Variants in WWOX observed in about 807,000 individuals in gnomAD.
WWOX encodes WW domain-containing oxidoreductase.
A neutral mutation model predicts 46.2 loss-of-function variants in WWOX; 69 were observed. The ratio of observed to expected loss-of-function variants is 1.49; its 90% confidence interval spans 1.23 to 1.82. The LOEUF is 1.82. Among genes scored for constraint, WWOX ranks in the 40% most tolerant of loss-of-function variants. The pLI is 0.00. For missense variants in WWOX, 919 were observed against 542.6 expected, an observed-to-expected ratio of 1.69 and a Z score of -6.89; for synonymous variants, 359 against 202.6, an observed-to-expected ratio of 1.77 and a Z score of -6.56.
chr16:78,669,792 A>T (rs560689889), intron 8 of WWOX, among the ~76,000 whole-genome samples: 1 of 152,278 alleles, frequency 6.6e-6, no homozygotes, highest in East Asian at 1.9e-4. Context: ...ACCCCTATTG[A>T]TTATTTCAGT....
intron 8 of WWOX, among the ~76,000 whole-genome samples, chr16:78,661,680 G>T (rs539531184): frequency 1.3e-5 from 2 of 152,096 alleles, no homozygotes; most frequent in Admixed American, 6.5e-5. Flanking sequence ...GCATGGAATG[G>T]GGGGAAAAGC....
At chr16:78,923,485 C>G (rs150201386) in intron 8 of WWOX, among the ~76,000 whole-genome samples, 141 of 152,064 alleles carry the variant, frequency 9.3e-4, no homozygotes, top group African/African-American at 3.3e-3. Context: ...TTTGTTCTTT[C>G]TTGGGATTGG....
At chr16:78,142,681 A>G (rs1328652557) in intron 4 of WWOX, among the ~76,000 whole-genome samples, 1 of 152,246 alleles carries the variant, frequency 6.6e-6, no homozygotes, top group African/African-American at 2.4e-5. Flanking sequence ...TACTTTCCAC[A>G]GAAAGATGGA....
At chr16:78,401,241 C>T (rs940963512) in intron 6 of WWOX, among the ~76,000 whole-genome samples, 11 of 151,950 alleles carry the variant, frequency 7.2e-5, no homozygotes, top group African/African-American at 2.7e-4. Flanking sequence ...CTTTTTTCTA[C>T]ATTTTCCATA....
chr16:78,119,733 T>A (rs1178682959), intron 4 of WWOX, among the ~76,000 whole-genome samples: 2 of 151,960 alleles, frequency 1.3e-5, no homozygotes, highest in East Asian at 3.9e-4. Context: ...CCCAAAGTAC[T>A]GAGATTACTG....
In WWOX at chr16:78,930,138, A is replaced by G. The variant is rs148705390; in HGVS notation, c.1057-281470A>G. 3.5e-4 allele frequency among the ~76,000 whole-genome samples: 53 copies of G among 151,974 alleles called. 2 individuals are homozygous for G. In the South Asian group the frequency reaches 9.0e-3, roughly 26 times the overall value. ...GGATGTGGGGTCTGGCAGAGAAACA[A>G]TATTGTGAATGGAAATGGGAGGAAC... On this transcript the variant is annotated intron_variant, in intron 8 of 8. Transcript: ENST00000566780.
At chr16:78,831,790 A>G (rs35296080) in intron 8 of WWOX, among the ~76,000 whole-genome samples, 55,216 of 152,134 alleles carry the variant, frequency 0.36, 10,639 homozygotes, top group Middle Eastern at 0.51. Context: ...AGAAGCTTTT[A>G]CTGAGCATCT....
At chr16:78,464,795 C>T (rs368390260) in intron 8 of WWOX, among the ~76,000 whole-genome samples, 1 of 152,070 alleles carries the variant, frequency 6.6e-6, no homozygotes, top group African/African-American at 2.4e-5. Flanking sequence ...CTGTTCTGAC[C>T]TGGGGGGAAA....
intron 5 of WWOX, among the ~76,000 whole-genome samples, chr16:78,225,653 T>C (rs75078675): frequency 0.084 from 12,782 of 152,264 alleles, 718 homozygotes; most frequent in Non-Finnish European, 0.12. Flanking sequence ...CAGCTGATTT[T>C]CTCCAGATGA....
intron 8 of WWOX, among the ~76,000 whole-genome samples, chr16:79,140,081 A>G (rs865957116): frequency 2.4e-4 from 37 of 152,310 alleles, no homozygotes; most frequent in African/African-American, 8.4e-4. Flanking sequence ...CAGTGCCCCC[A>G]TGGTCTCAAT....
chr16:78,679,247 G>C (rs1205192595), intron 8 of WWOX, among the ~76,000 whole-genome samples: 2 of 152,184 alleles, frequency 1.3e-5, no homozygotes, highest in Non-Finnish European at 2.9e-5. Context: ...CGTTGAGGTA[G>C]AGGTAGAAAG....
rs2081097437 is a variant in WWOX at position 78,346,542 on chromosome 16, C to T, written c.517-40318C>T. On this transcript the variant is annotated intron_variant, in intron 5 of 8. Transcript: ENST00000566780. Reference sequence around the variant, plus strand: ...AACAGTGTTTAAGGATCCACTTCCTCTACATCCTTAATAATACTTGATATT... The same window carrying T: ...AACAGTGTTTAAGGATCCACTTCCTTTACATCCTTAATAATACTTGATATT... Among the ~76,000 whole-genome samples the T allele has an allele frequency of 1.7e-5, 2 of 120,052 alleles. 1 individual carries two copies. Among genetic ancestry groups the T allele is most frequent in the African/African-American group, 5.6e-5 (2 of 35,426 alleles). 78.8% of individuals were successfully genotyped at this position (120,052 alleles called of 152,430 possible). A position where few individuals can be genotyped will look rare whatever the true frequency, so the allele number is the denominator to read the frequency against.
chr16:79,017,385 G>C (rs552752195), intron 8 of WWOX: 1 of 120,656 alleles, frequency 8.3e-6, no homozygotes, highest in African/African-American at 3.1e-5. Flanking sequence ...AACCGTGATC[G>C]CTTCACTGCA....
At chr16:78,385,040 A>G (rs989928117) in intron 5 of WWOX, among the ~76,000 whole-genome samples, 34 of 152,002 alleles carry the variant, frequency 2.2e-4, no homozygotes, top group African/African-American at 8.0e-4. Flanking sequence ...AGGCTGAGGC[A>G]GGAGAATCGC....
At chr16:78,117,126 A>G (rs1197192966) in intron 4 of WWOX, among the ~76,000 whole-genome samples, 2 of 152,208 alleles carry the variant, frequency 1.3e-5, no homozygotes, top group African/African-American at 4.8e-5. Context: ...GAGTAAAGCC[A>G]GAAACTCTTT....
At chr16:79,084,228 G>C (rs948851360) in intron 8 of WWOX, among the ~76,000 whole-genome samples, 1 of 152,152 alleles carries the variant, frequency 6.6e-6, no homozygotes, top group African/African-American at 2.4e-5. Flanking sequence ...TGCATTTCTT[G>C]TTCCTAGTGA....
intron 5 of WWOX, among the ~76,000 whole-genome samples, chr16:78,353,724 G>A (rs1368479107): frequency 6.6e-6 from 1 of 152,222 alleles, no homozygotes; most frequent in Non-Finnish European, 1.5e-5. Flanking sequence ...AAGAACTTAA[G>A]AACTTATTGA....
At chr16:78,498,820 C>A (rs2738733) in intron 8 of WWOX, among the ~76,000 whole-genome samples, 51 of 152,232 alleles carry the variant, frequency 3.4e-4, no homozygotes, top group African/African-American at 1.2e-3. Flanking sequence ...CCTGCCTTGG[C>A]CTCCCAAAAT....
chr16:78,498,716 C>T (rs2151471983), intron 8 of WWOX, among the ~76,000 whole-genome samples: 1 of 152,302 alleles, frequency 6.6e-6, no homozygotes, highest in East Asian at 1.9e-4. Flanking sequence ...TAAACAGAGA[C>T]AGATCTTGCT....
Sources: gnomAD v4.1 joint callset for allele counts (sites outside exome capture counted in the v4.1 genomes callset) on GRCh38, gnomAD v4.1.1 for gene constraint, MANE v1.5 for transcripts, NCBI Gene and HGNC (gene_info 2026-07-23, HGNC 2026-07-21) for gene names.